Variants in ZNF431 observed in about 807,000 individuals in gnomAD.
The protein encoded by ZNF431 is zinc finger protein 431.
A neutral mutation model predicts 57.0 loss-of-function variants in ZNF431; 34 were observed. The ratio of observed to expected loss-of-function variants is 0.60; its 90% CI spans 0.45 to 0.79. The LOEUF (loss-of-function observed/expected upper bound fraction) is 0.79. Among genes scored for constraint, ZNF431 ranks in the 30% least tolerant of loss-of-function variants. The pLI, the probability that ZNF431 is intolerant of heterozygous loss-of-function variation, is 0.00. For synonymous variants in ZNF431, 207 were observed against 220.3 expected (o/e 0.94, Z 0.54); for missense variants, 607 against 667.1 (o/e 0.91, Z 0.99).
chr19:21,144,836 A>G (rs1970037661), intron 2 of ZNF431, among the ~76,000 whole-genome samples: 1 of 152,174 alleles, frequency 6.6e-6, no homozygotes, highest in African/African-American at 2.4e-5. Flanking sequence ...CTCTTTTTGC[A>G]GGGTGAATTT....
chr19:21,181,592 T>C (rs1465916599), intron 4 of ZNF431, among the ~76,000 whole-genome samples: 2 of 152,096 alleles, frequency 1.3e-5, no homozygotes, highest in African/African-American at 4.8e-5. Context: ...AGTGTATTTG[T>C]TGAGCTTCTT....
chr19:21,175,536 G>A (rs537825492), intron 4 of ZNF431: 16 of 651,212 alleles, frequency 2.5e-5, no homozygotes, highest in Admixed American at 1.7e-4. Flanking sequence ...CTCTCACCTC[G>A]GTGATAAGCC....
intron 4 of ZNF431, among the ~76,000 whole-genome samples, chr19:21,172,267 A>G (rs1970920683): frequency 6.6e-6 from 1 of 151,356 alleles, no homozygotes; most frequent in South Asian, 2.1e-4. Context: ...TGTCTCTACT[A>G]AAAATACAAA....
At chr19:21,145,862 G>T (rs745763561) in intron 2 of ZNF431, among the ~76,000 whole-genome samples, 2 of 152,086 alleles carry the variant, frequency 1.3e-5, no homozygotes, top group Non-Finnish European at 2.9e-5. Context: ...GGTGGGAGGG[G>T]AATGGCAAAT....
Position 21,149,818 on chromosome 19 carries a change from T to C in ZNF431, c.96+6175T>C, listed in dbSNP as rs111563406. The C allele has an allele frequency of 4.5e-5, 29 of 650,974 alleles. 1 individual carries two copies. Among genetic ancestry groups the C allele is most frequent in the African/African-American group, 1.6e-4 (9 of 55,754 alleles). 40.3% of individuals were successfully genotyped at this position (650,974 alleles called of 1,614,324 possible). A position where few individuals can be genotyped will look rare whatever the true frequency, so the allele number is the denominator to read the frequency against. On this transcript the variant is annotated intron_variant, in intron 2 of 4. Coordinates refer to ENST00000311048, the MANE Select transcript of ZNF431 (RefSeq NM_133473.4). ...GCTTAGCCAAAGCACCTTTGTCTTC[T>C]GAGTTAACCTGTGTGAAGACGACAG...
intron 2 of ZNF431, among the ~76,000 whole-genome samples, chr19:21,144,983 A>G (rs1265888915): frequency 6.6e-6 from 1 of 151,744 alleles, no homozygotes; most frequent in Non-Finnish European, 1.5e-5. Context: ...GAAAACAATA[A>G]AATAATAGAT....
At chr19:21,152,504 A>G (rs1970301868) in intron 2 of ZNF431, among the ~76,000 whole-genome samples, 1 of 152,256 alleles carries the variant, frequency 6.6e-6, no homozygotes, top group Admixed American at 6.5e-5. Flanking sequence ...ATTAATCCAA[A>G]AAGAATAGCA....
At chr19:21,171,656 T>C (rs1398109890) in intron 4 of ZNF431, among the ~76,000 whole-genome samples, 2 of 149,076 alleles carry the variant, frequency 1.3e-5, no homozygotes, top group Admixed American at 6.8e-5. Flanking sequence ...GTCATGAAAA[T>C]ATTTTCATTA....
At chr19:21,150,219 A>C (rs529425455) in intron 2 of ZNF431, 132 of 533,930 alleles carry the variant, frequency 2.5e-4, no homozygotes, top group African/African-American at 2.3e-3. Context: ...ACAGAAAAAC[A>C]CTTTCAGCCG....
At chr19:21,154,181 C>T (rs1970356686) in intron 2 of ZNF431, among the ~76,000 whole-genome samples, 1 of 152,164 alleles carries the variant, frequency 6.6e-6, no homozygotes, top group African/African-American at 2.4e-5. Flanking sequence ...CCCTCCACCC[C>T]ACAACAGGCC....
chr19:21,172,415 G>A (rs1970926336), intron 4 of ZNF431, among the ~76,000 whole-genome samples: 1 of 144,156 alleles, frequency 6.9e-6, no homozygotes, highest in Non-Finnish European at 1.5e-5. Context: ...GTGAGAGAGC[G>A]AGATTCCATC....
chr19:21,157,848 A>G lies in ZNF431; in HGVS notation c.97-8487A>G, dbSNP rs368021961. ...CGGCCATTTGTCTACTTTTTAATGA[A>G]TTTTTTTTTTTTTTTTGCTCTGTAT... On this transcript the variant is annotated intron_variant, in intron 2 of 4. Coordinates refer to ENST00000311048, the MANE Select transcript of ZNF431 (RefSeq NM_133473.4). Among the ~76,000 whole-genome samples the G allele has an allele frequency of 2.9e-5, 4 of 137,718 alleles. No individual in the cohort carries two copies. In the South Asian group the frequency reaches 9.4e-4, roughly 32 times the overall value. 90.3% of individuals were successfully genotyped at this position (137,718 alleles called of 152,430 possible). A position where few individuals can be genotyped will look rare whatever the true frequency, so the allele number is the denominator to read the frequency against.
intron 2 of ZNF431, among the ~76,000 whole-genome samples, chr19:21,163,976 G>T (rs1970648096): frequency 6.6e-6 from 1 of 151,548 alleles, no homozygotes; most frequent in South Asian, 2.1e-4. Context: ...AGCTACTCAG[G>T]AGGCTGAGGC....
At chr19:21,181,837 G>A (rs932402678) in intron 4 of ZNF431, among the ~76,000 whole-genome samples, 5 of 151,750 alleles carry the variant, frequency 3.3e-5, no homozygotes, top group African/African-American at 9.7e-5. Context: ...GAGCGATTTT[G>A]CCCTATTTTG....
In ZNF431 at chr19:21,189,678, A is replaced by G. The variant is rs1049403689; in HGVS notation, c.*5644A>G. On this transcript the variant is annotated 3_prime_UTR_variant, in exon 5 of 5. Transcript: ENST00000311048. The stretch of plus-strand genomic sequence containing the variant: ...ACATGTTTCCAGCCTTCCATTTCTT[A>G]TAAATAACTTGCATCTGATGGTCAC... 5.2e-6 allele frequency: 2 copies of G among 382,852 alleles called. No individual in the cohort carries two copies. The highest frequency in any genetic ancestry group is 2.1e-5 in the African/African-American group (1 of 48,134). 23.7% of individuals were successfully genotyped at this position (382,852 alleles called of 1,614,324 possible).
At chr19:21,159,175 C>T (rs1970505461) in intron 2 of ZNF431, among the ~76,000 whole-genome samples, 1 of 152,012 alleles carries the variant, frequency 6.6e-6, no homozygotes, top group Admixed American at 6.6e-5. Context: ...CCTACTTGAT[C>T]ACACTGGATT....
rs1394480079 is a variant in ZNF431 at position 21,188,906 on chromosome 19, GT to G, written c.*4874del. On this transcript the variant is annotated 3_prime_UTR_variant, in exon 5 of 5. Transcript: ENST00000311048. ...GCTTAAAGTAAAAATCCTAAAGTACGTTGGCTCCTCCCATGCAATGTGCTGG... is the reference window on the plus strand; with the variant it reads ...GCTTAAAGTAAAAATCCTAAAGTACGTGGCTCCTCCCATGCAATGTGCTGG... 9 of 152,088 alleles carry G rather than the reference GT, an allele frequency of 5.9e-5. No homozygotes were observed. The highest frequency in any genetic ancestry group is 5.9e-4 in the Admixed American group (9 of 15,260). 9.4% of individuals were successfully genotyped at this position (152,088 alleles called of 1,614,324 possible). A position where few individuals can be genotyped will look rare whatever the true frequency, so the allele number is the denominator to read the frequency against.
chr19:21,165,136 C>T (rs1970685684), intron 2 of ZNF431, among the ~76,000 whole-genome samples: 1 of 151,552 alleles, frequency 6.6e-6, no homozygotes, highest in African/African-American at 2.4e-5. Flanking sequence ...AGACCCTTCT[C>T]TACATCATGG....
rs375796628 is a variant in ZNF431 at position 21,167,646 on chromosome 19, A to G, written c.299A>G (p.Glu100Gly). ...GAGCCCTGGAATATGAAGAGACATG[A>G]GATGGTGGATGAACCCCCAGGTAGG... The part of the protein sequence containing the change: ...EKEPWNMKRH[E>G]MVDEPPAMCS... Residue 100 changes from glutamate to glycine, a missense_variant, in exon 4 of 5, where the codon GAG (glutamate) becomes GGG (glycine). Transcript: ENST00000311048. 2.5e-6 allele frequency: 4 copies of G among 1,586,124 alleles called. No individual in the cohort carries two copies. The African/African-American group carries it at 5.4e-5, about 21-fold the overall frequency.
Sources: allele counts gnomAD v4.1 joint callset (sites outside exome capture counted in the v4.1 genomes callset), GRCh38; gene constraint gnomAD v4.1.1; transcripts MANE v1.5; gene names NCBI Gene and HGNC (gene_info 2026-07-23, HGNC 2026-07-21).